Variants in DTNB observed in about 807,000 individuals in gnomAD.
The protein encoded by DTNB is dystrobrevin beta.
DTNB carries 63 observed loss-of-function variants against 90.7 expected under a neutral mutation model. That is an observed-to-expected ratio of 0.69 (90% CI 0.57 to 0.86). DTNB has a LOEUF of 0.86. Ranked by LOEUF, DTNB falls within the 40% of genes least tolerant of loss-of-function variation. The pLI is 0.00. For missense variants in DTNB, 744 were observed against 807.1 expected, an observed-to-expected ratio of 0.92 and a Z score of 0.95; for synonymous variants, 277 against 286.7, an observed-to-expected ratio of 0.97 and a Z score of 0.34.
chr2:25,388,356 C>T lies in DTNB; in HGVS notation c.1581G>A (p.Gln527=), dbSNP rs762080695. ...GCGATGTATGTGGTGACCCTGTGGC[C>T]TGAGCCTGGAGATTCAAAGACAGAA... ...LKEEEQKQAA[Q]ATGSPHTSPT... is the part of the protein sequence containing the mutation. The change falls in exon 17 of 21, where the codon CAG becomes CAA. Residue 527 remains glutamine, a synonymous_variant. Transcript: ENST00000406818. 1 of 1,601,746 alleles carries T rather than the reference C, an allele frequency of 6.2e-7. No individual in the cohort carries two copies.
intron 8 of DTNB, chr2:25,558,448 T>G: frequency 1.0e-6 from 1 of 978,038 alleles, no homozygotes; most frequent in Non-Finnish European, 1.2e-6. Context: ...ACAAAAGGGC[T>G]GTGGCTAAGT....
chr2:25,531,672 T>C lies in DTNB; in HGVS notation c.877-75A>G. The C allele has an allele frequency of 4.6e-6, 7 of 1,533,822 alleles. No homozygotes were observed. In the South Asian group the frequency reaches 7.6e-5, roughly 17 times the overall value. On this transcript the variant is annotated intron_variant, in intron 8 of 20. Coordinates refer to ENST00000406818, the MANE Select transcript of DTNB (RefSeq NM_021907.5). The stretch of plus-strand genomic sequence containing the variant: ...AGGAACTTCAAAAAAGAAAAAAACT[T>C]TGTGACAAGAGTGTAAAAACATCTT...
chr2:25,629,626 G>GA (rs1025132449), intron 3 of DTNB, among the ~76,000 whole-genome samples: 1 of 151,976 alleles, frequency 6.6e-6, no homozygotes, highest in Non-Finnish European at 1.5e-5. Context: ...TTCGTAACAG[G>GA]AAAAAAAGGG....
intron 8 of DTNB, among the ~76,000 whole-genome samples, chr2:25,554,023 A>C (rs2056852335): frequency 6.6e-6 from 1 of 152,180 alleles, no homozygotes; most frequent in Non-Finnish European, 1.5e-5. Context: ...ATGATAGCCA[A>C]TATAAATTTA....
intron 1 of DTNB, among the ~76,000 whole-genome samples, chr2:25,664,551 A>T (rs961506785): frequency 3.3e-5 from 5 of 152,210 alleles, no homozygotes; most frequent in African/African-American, 7.2e-5. Flanking sequence ...GACAGACATC[A>T]TCAGACACAC....
At chr2:25,486,329 C>T (rs1354679318) in intron 9 of DTNB, among the ~76,000 whole-genome samples, 2 of 151,704 alleles carry the variant, frequency 1.3e-5, no homozygotes, top group East Asian at 3.9e-4. Context: ...CTGGGTGTGG[C>T]GGCGCATGCT....
intron 9 of DTNB, among the ~76,000 whole-genome samples, chr2:25,499,700 T>C (rs756924397): frequency 2.6e-5 from 4 of 152,246 alleles, no homozygotes; most frequent in Non-Finnish European, 5.9e-5. Context: ...AGTTTTTATT[T>C]GTTGGTTGGT....
chr2:25,454,212 C>T (rs185599288), intron 11 of DTNB, among the ~76,000 whole-genome samples: 1 of 151,798 alleles, frequency 6.6e-6, no homozygotes, highest in East Asian at 1.9e-4. Context: ...ATAAATACCC[C>T]AGAATAGTGA....
intron 9 of DTNB, among the ~76,000 whole-genome samples, chr2:25,522,752 G>C (rs1343960802): frequency 1.3e-5 from 2 of 148,762 alleles, no homozygotes; most frequent in East Asian, 3.9e-4. Flanking sequence ...CCAGGATAGA[G>C]TGCAGTGGTG....
intron 6 of DTNB, among the ~76,000 whole-genome samples, chr2:25,581,795 A>G (rs935081392): frequency 8.5e-5 from 13 of 152,244 alleles, no homozygotes; most frequent in African/African-American, 2.9e-4. Context: ...ACACAACTCA[A>G]CAAGATAGTT....
intron 19 of DTNB, among the ~76,000 whole-genome samples, chr2:25,382,111 TCCCCCGAG>T (rs1297919801): frequency 6.6e-6 from 1 of 152,142 alleles, no homozygotes; most frequent in African/African-American, 2.4e-5. Context: ...GTTCTTTCAC[TCCCCCGAG>T]CCTTGTTCAG....
chr2:25,378,575 G>C (rs986496552), intron 20 of DTNB, among the ~76,000 whole-genome samples: 2 of 151,658 alleles, frequency 1.3e-5, no homozygotes, highest in Admixed American at 6.6e-5. Context: ...TATAAGAGGT[G>C]GGGGGGTGGG....
intron 12 of DTNB, among the ~76,000 whole-genome samples, chr2:25,440,453 G>GT (rs1233982092): frequency 6.6e-6 from 1 of 152,188 alleles, no homozygotes; most frequent in African/African-American, 2.4e-5. Flanking sequence ...CTCTTGCATC[G>GT]TAAGTTAGTA....
At chr2:25,554,035 G>A (rs2056855104) in intron 8 of DTNB, among the ~76,000 whole-genome samples, 1 of 152,072 alleles carries the variant, frequency 6.6e-6, no homozygotes. Context: ...ATAAATTTAT[G>A]GTTCCATACA....
intron 2 of DTNB, among the ~76,000 whole-genome samples, chr2:25,643,684 G>C (rs1299166260): frequency 6.6e-6 from 1 of 152,122 alleles, no homozygotes; most frequent in Non-Finnish European, 1.5e-5. Context: ...TATTCAAGTA[G>C]GGCAGAGGAC....
In DTNB at chr2:25,382,287, ACCT is replaced by A. The variant is rs554896955; in HGVS notation, c.1879+1546_1879+1548del. Among the ~76,000 whole-genome samples, 251 of 151,978 alleles carry A rather than the reference ACCT, an allele frequency of 1.7e-3. 1 individual carries two copies. In the Middle Eastern group the frequency reaches 0.024, roughly 14 times the overall value. ...TTTCCTTTGATTTGTTCATTTATTG[ACCT>A]CCTACTAAGCACCAGGCACTGGAAC... On this transcript the variant is annotated intron_variant, in intron 19 of 20. Coordinates refer to ENST00000406818, the MANE Select transcript of DTNB (RefSeq NM_021907.5).
chr2:25,498,410 GA>G (rs1257403634), intron 9 of DTNB, among the ~76,000 whole-genome samples: 2 of 152,238 alleles, frequency 1.3e-5, no homozygotes, highest in African/African-American at 4.8e-5. Context: ...AGCAGAAGAT[GA>G]AAGAGCTGAT....
chr2:25,604,492 G>A (rs957997814), intron 5 of DTNB, among the ~76,000 whole-genome samples: 1 of 151,586 alleles, frequency 6.6e-6, no homozygotes, highest in African/African-American at 2.4e-5. Flanking sequence ...CTGCAGCCTC[G>A]AACTTCTAGC....
rs12469452 is a variant in DTNB at position 25,584,243 on chromosome 2, G to A, written c.604-3417C>T. Among the ~76,000 whole-genome samples, 1,323 of 152,186 alleles carry A rather than the reference G, an allele frequency of 8.7e-3. 34 individuals are homozygous for A. Among genetic ancestry groups the A allele is most frequent in the Admixed American group, 0.026 (398 of 15,296 alleles). On this transcript the variant is annotated intron_variant, in intron 6 of 20. Coordinates refer to ENST00000406818, the MANE Select transcript of DTNB (RefSeq NM_021907.5). ...TGGGGTTTTCCAGAGACAATGTGAC[G>A]AAGCCACAATTATCTAAAAAGGCTA...
Sources: allele counts gnomAD v4.1 joint callset (sites outside exome capture counted in the v4.1 genomes callset), GRCh38; gene constraint gnomAD v4.1.1; transcripts MANE v1.5; gene names NCBI Gene and HGNC (gene_info 2026-07-23, HGNC 2026-07-21).